Variants in AFDN observed in about 807,000 individuals in gnomAD.
AFDN encodes the protein afadin, adherens junction formation factor.
Under a neutral mutation model 216.6 loss-of-function variants are expected in AFDN, and 68 were observed. The ratio of observed to expected loss-of-function variants is 0.31; its 90% CI spans 0.26 to 0.38. The LOEUF (loss-of-function observed/expected upper bound fraction) is 0.38. AFDN is among the 10% of genes least tolerant of loss of function. The pLI is 1.00. For synonymous variants in AFDN, 868 were observed against 853.7 expected, an observed-to-expected ratio of 1.02 and a Z score of -0.29; for missense variants, 2,136 against 2,342.0, an observed-to-expected ratio of 0.91 and a Z score of 1.82.
Position 167,827,128 on chromosome 6 carries a change from G to A in AFDN, c.-5G>A. 7.8e-7 allele frequency: 1 copy of A among 1,279,692 alleles called. No homozygotes were observed. The highest frequency in any genetic ancestry group is 1.0e-6 in the Non-Finnish European group (1 of 983,254). The allele number at this position is 1,279,692 out of a possible 1,614,324, so 79.3% of individuals were successfully genotyped here. A position where few individuals can be genotyped will look rare whatever the true frequency, so the allele number is the denominator to read the frequency against. ...CCGCGCGGCTGAGGAGGCGCGGCCA[G>A]GACCATGTCGGCGGGCGGCCGTGAC... On this transcript the variant is annotated 5_prime_UTR_variant, in exon 1 of 34. Transcript: ENST00000683244.
At chr6:167,963,785 A>G in intron 31 of AFDN, 9 of 1,062,570 alleles carry the variant, frequency 8.5e-6, no homozygotes, top group Non-Finnish European at 1.0e-5. Flanking sequence ...ATGGTAAGTC[A>G]ACATTGATGA....
chr6:167,932,657 G>A (rs1275476297), intron 23 of AFDN: 1 of 152,192 alleles, frequency 6.6e-6, no homozygotes, highest in African/African-American at 2.4e-5. Context: ...CTTGGTTGCT[G>A]TTGAAAACTG....
At chr6:167,914,616 A>T in intron 17 of AFDN, 28 bp from the exon 18 acceptor site, 2 of 1,477,232 alleles carry the variant, frequency 1.4e-6, no homozygotes, top group South Asian at 1.1e-5. Context: ...TCATGCTAAG[A>T]TTACTTAAAT....
At chr6:167,852,489 A>G (rs1384128164) in intron 1 of AFDN, among the ~76,000 whole-genome samples, 1 of 152,138 alleles carries the variant, frequency 6.6e-6, no homozygotes, top group African/African-American at 2.4e-5. Context: ...AGTGCTGTGT[A>G]TTTCATATTG....
rs140686060 is a variant in AFDN at position 167,960,467 on chromosome 6, A to G, written c.4834-1966A>G. Among the ~76,000 whole-genome samples, 1,391 of 152,342 alleles carry G rather than the reference A, an allele frequency of 9.1e-3. 26 individuals are homozygous for G. Among genetic ancestry groups the G allele is most frequent in the African/African-American group, 0.031 (1,300 of 41,566 alleles). On this transcript the variant is annotated intron_variant, in intron 30 of 33. Transcript: ENST00000683244. ...GAACTAATTGGTCTATCATTGTGTA[A>G]CACTTTCTTGCTCAGCGCTTATTTT...
In AFDN at chr6:167,946,775, A is replaced by T; in HGVS notation, c.3427A>T (p.Thr1143Ser). 1 of 1,613,886 alleles carries T rather than the reference A, an allele frequency of 6.2e-7. No individual in the cohort carries two copies. Among genetic ancestry groups the T allele is most frequent in the Non-Finnish European group, 8.5e-7 (1 of 1,179,930 alleles). ...AGGCTTTGAGCTCTATAATAATTCAACTCAAAATGGGTCTCCTGAGAGTCC... is the reference window on the plus strand; with the variant it reads ...AGGCTTTGAGCTCTATAATAATTCATCTCAAAATGGGTCTCCTGAGAGTCC... ...SEGFELYNNS[T>S]QNGSPESPQL... The change falls in exon 27 of 34, where the codon ACT becomes TCT. Residue 1143 changes from threonine (T) to serine (S), a missense_variant. Thr to Ser is a moderately conservative substitution (Grantham distance 58). Coordinates refer to ENST00000683244, the MANE Select transcript of AFDN (RefSeq NM_001386888.1).
At chr6:167,910,409 C>T (rs1396452130) in intron 13 of AFDN, among the ~76,000 whole-genome samples, 6 of 152,202 alleles carry the variant, frequency 3.9e-5, no homozygotes, top group Non-Finnish European at 5.9e-5. Flanking sequence ...AACATCAGCA[C>T]AATGCTAGTT....
At position 167,966,052 on chromosome 6, in the gene AFDN, A is replaced by G. The variant is rs1354720887; in HGVS notation, c.5257+7A>G. 6.5e-7 allele frequency: 1 copy of G among 1,542,844 alleles called. No individual in the cohort carries two copies. Among genetic ancestry groups the G allele is most frequent in the South Asian group, 1.2e-5 (1 of 84,064 alleles). ...GAGGACTGCAGCCTAGCAGGTCAGG[A>G]TAAGTACTCCAGCACAAGAAAGTCT... On this transcript the variant is annotated splice_region_variant and intron_variant, in intron 32 of 33. Coordinates refer to ENST00000683244, the MANE Select transcript of AFDN (RefSeq NM_001386888.1).
rs549869848 is a variant in AFDN at position 167,869,323 on chromosome 6, C to T, written c.302-1063C>T. Among the ~76,000 whole-genome samples, 4 of 152,128 alleles carry T rather than the reference C, an allele frequency of 2.6e-5. No homozygotes were observed. The South Asian group carries it at 8.3e-4, about 32-fold the overall frequency. ...TTCAGGTTACAGAGCATTCCTGTAA[C>T]AGATGTTTCTGAAAGAGGCATTTCT... On this transcript the variant is annotated intron_variant, in intron 2 of 33. Coordinates refer to ENST00000683244, the MANE Select transcript of AFDN (RefSeq NM_001386888.1).
intron 1 of AFDN, among the ~76,000 whole-genome samples, chr6:167,863,028 T>A (rs181544093): frequency 6.6e-6 from 1 of 152,250 alleles, no homozygotes; most frequent in Non-Finnish European, 1.5e-5. Context: ...ACTGTCTCAC[T>A]TTTTTGTTTT....
chr6:167,897,826 C>A (rs1006324852), intron 10 of AFDN, among the ~76,000 whole-genome samples: 2 of 151,546 alleles, frequency 1.3e-5, no homozygotes, highest in Admixed American at 6.6e-5. Context: ...TTGTATTTTT[C>A]GTAGAGACGG....
At chr6:167,852,076 C>T (rs188254957) in intron 1 of AFDN, among the ~76,000 whole-genome samples, 141 of 152,100 alleles carry the variant, frequency 9.3e-4, no homozygotes, top group Non-Finnish European at 1.7e-3. Context: ...TCCTAAAACC[C>T]GTCATGTTAT....
In AFDN at chr6:167,965,141, ATGAG is replaced by A. The variant is rs538336965; in HGVS notation, c.4969-613_4969-610del. 3.9e-4 allele frequency: 340 copies of A among 876,996 alleles called. 1 individual carries two copies. In the African/African-American group the frequency reaches 5.6e-3, roughly 14 times the overall value. The allele number at this position is 876,996 out of a possible 1,614,324, so 54.3% of individuals were successfully genotyped here. A position where few individuals can be genotyped will look rare whatever the true frequency, so the allele number is the denominator to read the frequency against. ...TTTGTTAGATTGTTACTTTGGGAGA[ATGAG>A]TGTTTTTTTTTTTTTCTTCATTTCT... On this transcript the variant is annotated intron_variant, in intron 31 of 33. Coordinates refer to ENST00000683244, the MANE Select transcript of AFDN (RefSeq NM_001386888.1).
chr6:167,844,849 C>CTTTTCTT (rs1781463432), intron 1 of AFDN, among the ~76,000 whole-genome samples: 3 of 127,714 alleles, frequency 2.3e-5, no homozygotes, highest in Non-Finnish European at 1.6e-5. Context: ...CTTTTCTTTT[C>CTTTTCTT]TTTTTTTTTT....
intron 1 of AFDN, among the ~76,000 whole-genome samples, chr6:167,862,354 G>A (rs761667500): frequency 6.6e-6 from 1 of 151,856 alleles, no homozygotes; most frequent in Non-Finnish European, 1.5e-5. Flanking sequence ...AGCATGTTTC[G>A]CATGCATTTT....
chr6:167,908,717 C>T (rs1314200073), intron 13 of AFDN, among the ~76,000 whole-genome samples: 2 of 152,056 alleles, frequency 1.3e-5, no homozygotes, highest in African/African-American at 4.8e-5. Context: ...ACCATAAACA[C>T]ATAATTTAAT....
In AFDN at chr6:167,891,166, ACT is replaced by A. The variant is rs1182313657; in HGVS notation, c.1177+141_1177+142del. 5.2e-6 allele frequency: 3 copies of A among 582,314 alleles called. No individual in the cohort carries two copies. The African/African-American group carries it at 5.7e-5, about 11-fold the overall frequency. The allele number at this position is 582,314 out of a possible 1,614,324, so 36.1% of individuals were successfully genotyped here. A position where few individuals can be genotyped will look rare whatever the true frequency, so the allele number is the denominator to read the frequency against. On this transcript the variant is annotated intron_variant, in intron 8 of 33. Coordinates refer to ENST00000683244, the MANE Select transcript of AFDN (RefSeq NM_001386888.1). ...TTAGCCATTTATTTTTTTAAAAGTA[ACT>A]CTCATAACATTTATTTCTCTTAAAT...
intron 30 of AFDN, chr6:167,952,655 G>A (rs1426964602): frequency 9.6e-6 from 2 of 208,224 alleles, no homozygotes; most frequent in Non-Finnish European, 1.7e-5. Flanking sequence ...ACATGGGTGT[G>A]TCTCTGTACC....
chr6:167,898,969 G>A (rs773298987), intron 11 of AFDN, among the ~76,000 whole-genome samples: 1 of 152,040 alleles, frequency 6.6e-6, no homozygotes, highest in African/African-American at 2.4e-5. Context: ...TTTTTTTGTA[G>A]GTAGGGAATA....
Sources: allele counts gnomAD v4.1 joint callset (sites outside exome capture counted in the v4.1 genomes callset), GRCh38; gene constraint gnomAD v4.1.1; transcripts MANE v1.5; gene names NCBI Gene and HGNC (gene_info 2026-07-23, HGNC 2026-07-21).